SEC14L1: variants seen among roughly 807,000 people sequenced by gnomAD.
SEC14L1 encodes SEC14-like protein 1.
A neutral mutation model predicts 85.3 loss-of-function variants in SEC14L1; 48 were observed. The ratio of observed to expected loss-of-function variants is 0.56; its 90% CI spans 0.45 to 0.72. The LOEUF is 0.72. SEC14L1 is among the 30% of genes least tolerant of loss of function. The pLI, the probability that SEC14L1 is intolerant of heterozygous loss-of-function variation, is 0.00. For missense variants in SEC14L1, 682 were observed against 921.4 expected (o/e 0.74, Z 3.36); for synonymous variants, 391 against 355.5 (o/e 1.10, Z -1.12).
chr17:77,153,268 C>T (rs765433076), intron 3 of SEC14L1, among the ~76,000 whole-genome samples: 10 of 152,026 alleles, frequency 6.6e-5, no homozygotes, highest in East Asian at 3.9e-4. Context: ...GGTTTCACCA[C>T]GTTGGCCAGG....
At position 77,196,183 on chromosome 17, in the gene SEC14L1, A is replaced by C; in HGVS notation, c.710-19A>C. On this transcript the variant is annotated intron_variant, in intron 7 of 16. Transcript: ENST00000436233. Reference sequence around the variant, plus strand: ...GCTCCAGTGTTCTTTGTTGTAAATAAATGTCACTTACATTCCAGACAAACT... The same window carrying C: ...GCTCCAGTGTTCTTTGTTGTAAATACATGTCACTTACATTCCAGACAAACT... 1 of 1,583,820 alleles carries C rather than the reference A, an allele frequency of 6.3e-7. No individual in the cohort carries two copies. The highest frequency in any genetic ancestry group is 8.7e-7 in the Non-Finnish European group (1 of 1,152,788).
chr17:77,197,775 T>C (rs1975891257), intron 8 of SEC14L1, among the ~76,000 whole-genome samples: 2 of 152,292 alleles, frequency 1.3e-5, no homozygotes, highest in South Asian at 4.1e-4. Flanking sequence ...TGGCTAATTT[T>C]TGTATTTTTA....
intron 3 of SEC14L1, among the ~76,000 whole-genome samples, chr17:77,117,827 A>G (rs1428481550): frequency 6.6e-6 from 1 of 152,198 alleles, no homozygotes; most frequent in African/African-American, 2.4e-5. Context: ...GACTATGCAG[A>G]ATGACAGAAT....
intron 3 of SEC14L1, among the ~76,000 whole-genome samples, chr17:77,096,989 C>T (rs1392729674): frequency 6.6e-6 from 1 of 152,130 alleles, no homozygotes; most frequent in Admixed American, 6.6e-5. Flanking sequence ...TCCTTGGAAG[C>T]GTTTATCATG....
chr17:77,151,522 C>T (rs1973553850), intron 3 of SEC14L1, among the ~76,000 whole-genome samples: 2 of 152,016 alleles, frequency 1.3e-5, no homozygotes, highest in African/African-American at 4.8e-5. Context: ...AGTTGTGGTG[C>T]AGTAGGAAAA....
At chr17:77,190,726 A>G (rs1975485714) in intron 3 of SEC14L1, 77 bp from the exon 4 acceptor site, 2 of 1,490,532 alleles carry the variant, frequency 1.3e-6, no homozygotes, top group African/African-American at 1.4e-5. Context: ...GTGCTGTTCC[A>G]GGGAGAACAC....
intron 3 of SEC14L1, among the ~76,000 whole-genome samples, chr17:77,132,025 G>A (rs957326515): frequency 7.2e-5 from 11 of 152,146 alleles, no homozygotes; most frequent in African/African-American, 2.4e-4. Flanking sequence ...TTAGCTCAAG[G>A]CCACTGGATT....
chr17:77,172,965 G>T (rs1042625607), intron 3 of SEC14L1, among the ~76,000 whole-genome samples: 2 of 152,164 alleles, frequency 1.3e-5, no homozygotes, highest in Admixed American at 6.5e-5. Context: ...GGATGCTCAC[G>T]TTCCCAAATT....
chr17:77,195,059 C>A, intron 7 of SEC14L1, 148 bp downstream of exon 7: 2 of 618,434 alleles, frequency 3.2e-6, no homozygotes, highest in Non-Finnish European at 2.9e-6. Flanking sequence ...TGGCCCTTGT[C>A]CTCTCGCTTA....
intron 3 of SEC14L1, among the ~76,000 whole-genome samples, chr17:77,108,960 T>A (rs1300740340): frequency 6.6e-6 from 1 of 151,928 alleles, no homozygotes; most frequent in East Asian, 1.9e-4. Flanking sequence ...GTAGCTGGGA[T>A]TACAGGTGCC....
upstream of SEC14L1, among the ~76,000 whole-genome samples, chr17:77,138,775 G>C (rs1052197520): frequency 1.3e-5 from 2 of 152,298 alleles, no homozygotes; most frequent in East Asian, 3.9e-4. Flanking sequence ...AGACGGCTAT[G>C]ATTATGCCAC....
At chr17:77,205,686 C>G (rs1357592525) in intron 11 of SEC14L1, among the ~76,000 whole-genome samples, 1 of 152,144 alleles carries the variant, frequency 6.6e-6, no homozygotes, top group Non-Finnish European at 1.5e-5. Flanking sequence ...GTAAAGAGTT[C>G]TGAAAATGTT....
At chr17:77,202,931 A>T (rs900833886) in intron 9 of SEC14L1, among the ~76,000 whole-genome samples, 3 of 117,960 alleles carry the variant, frequency 2.5e-5, no homozygotes, top group African/African-American at 6.4e-5. Flanking sequence ...AAAAAAATAA[A>T]AAAATAAAAA....
At chr17:77,107,151 G>A (rs1452838178) in intron 3 of SEC14L1, among the ~76,000 whole-genome samples, 1 of 152,164 alleles carries the variant, frequency 6.6e-6, no homozygotes, top group Non-Finnish European at 1.5e-5. Flanking sequence ...GCCAACCACC[G>A]TGGACCCACA....
intron 13 of SEC14L1, 134 bp from the exon 14 acceptor site, chr17:77,209,208 C>T: frequency 2.0e-6 from 2 of 1,010,808 alleles, no homozygotes; most frequent in South Asian, 1.7e-5. Context: ...TGTTTTACGA[C>T]CCTGCCAGTG....
At chr17:77,168,234 G>A (rs185483991) in intron 3 of SEC14L1, among the ~76,000 whole-genome samples, 8 of 152,326 alleles carry the variant, frequency 5.3e-5, no homozygotes, top group Admixed American at 2.6e-4. Context: ...ACGTTACACA[G>A]TTAAACCCTT....
chr17:77,189,378 TG>T (rs1310076338), intron 3 of SEC14L1, among the ~76,000 whole-genome samples: 3 of 152,168 alleles, frequency 2.0e-5, no homozygotes, highest in Non-Finnish European at 4.4e-5. Context: ...CCTGACTTCT[TG>T]CAAAGTCAGA....
chr17:77,143,547 CAT>C lies in SEC14L1; in HGVS notation c.-30-15_-30-14del. On this transcript the variant is annotated intron_variant, in intron 2 of 16. Coordinates refer to ENST00000436233, the MANE Select transcript of SEC14L1 (RefSeq NM_001143998.2). Reference sequence around the variant, plus strand: ...GTTTCTGCATTGTGGTTACTTATCACATATATTTATGTTTTGCAGGTGTGAGA... The same window carrying C: ...GTTTCTGCATTGTGGTTACTTATCACATATTTATGTTTTGCAGGTGTGAGA... 6.8e-7 allele frequency: 1 copy of C among 1,461,334 alleles called. No individual in the cohort carries two copies. Among genetic ancestry groups the C allele is most frequent in the Non-Finnish European group, 9.6e-7 (1 of 1,043,102 alleles). 90.5% of individuals were successfully genotyped at this position (1,461,334 alleles called of 1,614,324 possible). A position where few individuals can be genotyped will look rare whatever the true frequency, so the allele number is the denominator to read the frequency against.
At chr17:77,114,217 A>T (rs1357877913) in intron 3 of SEC14L1, among the ~76,000 whole-genome samples, 2 of 152,154 alleles carry the variant, frequency 1.3e-5, no homozygotes, top group East Asian at 3.8e-4. Flanking sequence ...CCTCCACCCC[A>T]CCACATGATT....
Sources: gnomAD v4.1 joint callset for allele counts (sites outside exome capture counted in the v4.1 genomes callset) on GRCh38, gnomAD v4.1.1 for gene constraint, MANE v1.5 for transcripts, NCBI Gene and HGNC (gene_info 2026-07-23, HGNC 2026-07-21) for gene names.